PTPRE: variants seen among roughly 807,000 people sequenced by gnomAD.
PTPRE encodes protein tyrosine phosphatase receptor type E.
A neutral mutation model predicts 102.0 loss-of-function variants in PTPRE; 51 were observed. That is an observed-to-expected ratio of 0.50 (90% CI 0.40 to 0.63). PTPRE has a LOEUF of 0.63. Among genes scored for constraint, PTPRE ranks in the 30% least tolerant of loss-of-function variants. PTPRE has a pLI of 0.00. For missense variants in PTPRE, 752 were observed against 915.1 expected, an observed-to-expected ratio of 0.82 and a Z score of 2.30; for synonymous variants, 345 against 348.2, an observed-to-expected ratio of 0.99 and a Z score of 0.10.
rs763039271 is a variant in PTPRE at position 128,063,231 on chromosome 10, C to G, written c.723+51C>G. On this transcript the variant is annotated intron_variant, in intron 10 of 20. Coordinates refer to ENST00000254667, the MANE Select transcript of PTPRE (RefSeq NM_006504.6). ...TATCACTTCCTTTCAGCTGCTGCTG[C>G]CGGGCTGGGGATGTTCTTACCACTT... is the stretch of plus-strand genomic sequence containing the variant. The G allele has an allele frequency of 1.9e-6, 3 of 1,604,578 alleles. No individual in the cohort carries two copies. In the African/African-American group the frequency reaches 4.0e-5, roughly 21 times the overall value.
At position 128,008,626 on chromosome 10, in the gene PTPRE, C is replaced by T. The variant is rs180774637; in HGVS notation, c.-8+26330C>T. On this transcript the variant is annotated intron_variant, in intron 2 of 20. Coordinates refer to ENST00000254667, the MANE Select transcript of PTPRE (RefSeq NM_006504.6). The surrounding 1 kb of genome is among the most constrained non-coding windows in gnomAD (Gnocchi z 4.0). ...TGGTATGGGAAGGAGCCCGACACAC[C>T]TGGTCTTTCTCAACTCCTGCAAGTC... Among the ~76,000 whole-genome samples the T allele has an allele frequency of 7.2e-5, 11 of 152,166 alleles. No individual in the cohort carries two copies. Among genetic ancestry groups the T allele is most frequent in the African/African-American group, 2.7e-4 (11 of 41,442 alleles).
chr10:128,066,126 A>G lies in PTPRE; in HGVS notation c.775A>G (p.Ile259Val). The part of the protein sequence containing the change: ...PDQGCWTYGN[I>V]RVCVEDCVVL... Reference sequence around the variant, plus strand: ...CCAAGGCTGCTGGACCTATGGAAACATCCGGGTGTGCGTGGAGGACTGCGT... The same window carrying G: ...CCAAGGCTGCTGGACCTATGGAAACGTCCGGGTGTGCGTGGAGGACTGCGT... The change falls in exon 11 of 21, where the codon ATC becomes GTC. Residue 259 changes from isoleucine (I) to valine (V), a missense_variant. Coordinates refer to ENST00000254667, the MANE Select transcript of PTPRE (RefSeq NM_006504.6). 6.2e-7 allele frequency: 1 copy of G among 1,614,258 alleles called. No individual in the cohort carries two copies.
Position 128,036,749 on chromosome 10 carries a change from C to G in PTPRE, c.-7-4126C>G, listed in dbSNP as rs1340271666. Among the ~76,000 whole-genome samples the G allele has an allele frequency of 7.2e-5, 11 of 152,284 alleles. No individual in the cohort carries two copies. In the East Asian group the frequency reaches 2.1e-3, roughly 29 times the overall value. ...CCCTCCCTCCTTTCCATTCCCATTG[C>G]CTCCGGCTTGGTCTTTCTTAATCCA... On this transcript the variant is annotated intron_variant, in intron 2 of 20. Coordinates refer to ENST00000254667, the MANE Select transcript of PTPRE (RefSeq NM_006504.6).
intron 2 of PTPRE, among the ~76,000 whole-genome samples, chr10:127,995,056 C>A (rs1274921067): frequency 6.6e-6 from 1 of 152,078 alleles, no homozygotes; most frequent in Non-Finnish European, 1.5e-5. Context: ...GTGTCGCCCA[C>A]CAAAAAAAGT....
chr10:128,068,320 A>G (rs1362010791), intron 12 of PTPRE, 34 bp downstream of exon 12: 1 of 1,587,454 alleles, frequency 6.3e-7, no homozygotes, highest in South Asian at 1.1e-5. Context: ...GGGACCCTCA[A>G]GGGCAGGCCA....
chr10:127,952,891 A>G (rs1343448651), intron 1 of PTPRE, among the ~76,000 whole-genome samples: 1 of 152,214 alleles, frequency 6.6e-6, no homozygotes, highest in Non-Finnish European at 1.5e-5. Flanking sequence ...TAGGTTAGAC[A>G]TTCGTATATC....
intron 17 of PTPRE, among the ~76,000 whole-genome samples, chr10:128,075,916 A>G (rs1333211490): frequency 6.6e-6 from 1 of 151,990 alleles, no homozygotes; most frequent in Non-Finnish European, 1.5e-5. Flanking sequence ...GATTTATAGG[A>G]GCTCTTTACG....
intron 10 of PTPRE, 25 bp from the exon 11 acceptor site, chr10:128,066,050 G>A (rs750877088): frequency 1.2e-6 from 2 of 1,614,042 alleles, no homozygotes; most frequent in African/African-American, 1.3e-5. Flanking sequence ...AGATCTATTT[G>A]CTTCTATTAA....
In PTPRE at chr10:128,070,593, G is replaced by T; in HGVS notation, c.1293+143G>T. The stretch of plus-strand genomic sequence containing the variant: ...AAAGCAGGGGCAATACCTGAGCCAT[G>T]ATTTACAAGGGAAGAAGGATCAGGT... On this transcript the variant is annotated intron_variant, in intron 14 of 20. Transcript: ENST00000254667. This position sits in a 1 kb window ranked among gnomAD's most constrained non-coding sequence, Gnocchi z 4.8. 3.2e-6 allele frequency: 4 copies of T among 1,247,972 alleles called. No homozygotes were observed. Among genetic ancestry groups the T allele is most frequent in the East Asian group, 2.5e-5 (1 of 39,302 alleles). The allele number at this position is 1,247,972 out of a possible 1,614,324, so 77.3% of individuals were successfully genotyped here.
chr10:127,908,015 G>T (rs1845610489), intron 1 of PTPRE, among the ~76,000 whole-genome samples: 1 of 152,238 alleles, frequency 6.6e-6, no homozygotes, highest in Non-Finnish European at 1.5e-5. Context: ...GGGGAAGGCC[G>T]GGCAACCCAC....
At chr10:128,067,114 G>T (rs984397576) in intron 11 of PTPRE, among the ~76,000 whole-genome samples, 1 of 137,142 alleles carries the variant, frequency 7.3e-6, no homozygotes, top group Non-Finnish European at 1.6e-5. Context: ...GCACACAACC[G>T]TACAATGCAT....
intron 2 of PTPRE, among the ~76,000 whole-genome samples, chr10:128,001,568 C>T (rs543986479): frequency 3.3e-5 from 5 of 152,160 alleles, no homozygotes; most frequent in Non-Finnish European, 5.9e-5. Context: ...AAGAGTGCCT[C>T]CTACTTCAAA....
At chr10:127,921,354 A>G (rs1380749983) in intron 1 of PTPRE, among the ~76,000 whole-genome samples, 1 of 152,212 alleles carries the variant, frequency 6.6e-6, no homozygotes, top group Non-Finnish European at 1.5e-5. Context: ...ATTGAGACCA[A>G]TAATCCCCAA....
intron 6 of PTPRE, among the ~76,000 whole-genome samples, chr10:128,053,570 C>T (rs1017332470): frequency 1.4e-4 from 22 of 152,138 alleles, no homozygotes; most frequent in Admixed American, 3.9e-4. Context: ...CATACGTGTG[C>T]GGTGCACAGG....
At chr10:127,968,544 C>T (rs889914724) in intron 1 of PTPRE, among the ~76,000 whole-genome samples, 7 of 152,214 alleles carry the variant, frequency 4.6e-5, no homozygotes, top group South Asian at 2.1e-4. Flanking sequence ...TTCTGCAGAT[C>T]GTTCTTTCTG....
intron 1 of PTPRE, chr10:127,929,471 T>C (rs1847258779): frequency 6.6e-6 from 1 of 152,208 alleles, no homozygotes; most frequent in Non-Finnish European, 1.5e-5. Flanking sequence ...ATCAAGTCTC[T>C]ACCTGGTCCA....
At chr10:127,928,856 T>A (rs1309180264) in intron 1 of PTPRE, among the ~76,000 whole-genome samples, 2 of 152,202 alleles carry the variant, frequency 1.3e-5, no homozygotes, top group African/African-American at 2.4e-5. Flanking sequence ...AACAAAACAC[T>A]GACAACATGT....
chr10:127,914,618 C>A (rs1315250489), intron 1 of PTPRE, among the ~76,000 whole-genome samples: 1 of 152,182 alleles, frequency 6.6e-6, no homozygotes, highest in Non-Finnish European at 1.5e-5. Flanking sequence ...CCAGAGAGAC[C>A]TGCTAGTGAA....
intron 1 of PTPRE, among the ~76,000 whole-genome samples, chr10:127,924,458 T>C (rs902644474): frequency 6.6e-6 from 1 of 152,178 alleles, no homozygotes; most frequent in African/African-American, 2.4e-5. Context: ...ATTCCTGATC[T>C]CAAGATCCTA....
Sources: allele counts gnomAD v4.1 joint callset (sites outside exome capture counted in the v4.1 genomes callset), GRCh38; gene constraint gnomAD v4.1.1; non-coding constraint Gnocchi (gnomAD v3.1); transcripts MANE v1.5; gene names NCBI Gene and HGNC (gene_info 2026-07-23, HGNC 2026-07-21).